FHOD3: variants seen among roughly 807,000 people sequenced by gnomAD.
FHOD3 encodes FH1/FH2 domain-containing protein 3.
In FHOD3, 90 loss-of-function variants were observed where a neutral mutation model predicts 173.0. The ratio of observed to expected loss-of-function variants is 0.52; its 90% CI spans 0.44 to 0.62. FHOD3 has a LOEUF of 0.62. Among genes scored for constraint, FHOD3 ranks in the 20% least tolerant of loss-of-function variants. The probability of loss-of-function intolerance (pLI) is 0.00; values close to 1 mark genes in which losing one functional copy is unlikely to be tolerated. For synonymous variants in FHOD3, 828 were observed against 823.0 expected, an observed-to-expected ratio of 1.01 and a Z score of -0.10; for missense variants, 1,945 against 2,034.7, an observed-to-expected ratio of 0.96 and a Z score of 0.85.
At chr18:36,525,965 G>C (rs1254125658) in intron 5 of FHOD3, among the ~76,000 whole-genome samples, 1 of 152,256 alleles carries the variant, frequency 6.6e-6, no homozygotes, top group Non-Finnish European at 1.5e-5. Flanking sequence ...AGATTGGGCT[G>C]AGTTTTAGGA....
Position 36,625,640 on chromosome 18 carries a change from C to T in FHOD3, c.1087C>T (p.Arg363Cys), listed in dbSNP as rs780578862. The change falls in exon 10 of 29, where the codon CGC becomes TGC. Residue 363 changes from arginine to cysteine, a missense_variant. Arg to Cys is a radical substitution (Grantham distance 180, BLOSUM62 -3). This residue lies in a region of FHOD3 where 1,099 missense variants were observed against 1,051.2 expected (regional missense o/e 1.05). Coordinates refer to ENST00000590592, the MANE Select transcript of FHOD3 (RefSeq NM_001281740.3). ...CCGGGGCCTGGACCGCAGAAGGAGC[C>T]GCAGGCACTCGGTGCAGAGCATCAA... Reference protein sequence around the residue: ...EHRGLDRRRSRRHSVQSIKST... With the variant: ...EHRGLDRRRSCRHSVQSIKST... 2.5e-6 allele frequency: 4 copies of T among 1,608,652 alleles called. No homozygotes were observed. Among genetic ancestry groups the T allele is most frequent in the East Asian group, 2.2e-5 (1 of 44,466 alleles).
intron 28 of FHOD3, among the ~76,000 whole-genome samples, chr18:36,771,814 C>G (rs75438391): frequency 6.6e-6 from 1 of 152,194 alleles, no homozygotes; most frequent in Non-Finnish European, 1.5e-5. Context: ...AGAGACGTCC[C>G]ATTTGTCAGG....
At chr18:36,368,543 T>C (rs2047013147) in intron 2 of FHOD3, among the ~76,000 whole-genome samples, 1 of 152,192 alleles carries the variant, frequency 6.6e-6, no homozygotes, top group African/African-American at 2.4e-5. Flanking sequence ...CTGTGTGACT[T>C]CAGCTCCATT....
At position 36,376,200 on chromosome 18, in the gene FHOD3, C is replaced by A. The variant is rs75152907; in HGVS notation, c.337+3456C>A. ...AGAATTGTGGGGTAAGGAATGGAAT[C>A]TAGGACTTAAAAAAATAAGGTTTGA... is the stretch of plus-strand genomic sequence containing the variant. On this transcript the variant is annotated intron_variant, in intron 3 of 28. Coordinates refer to ENST00000590592, the MANE Select transcript of FHOD3 (RefSeq NM_001281740.3). Among the ~76,000 whole-genome samples, 502 of 152,186 alleles carry A rather than the reference C, an allele frequency of 3.3e-3. 5 individuals are homozygous for A. The highest frequency in any genetic ancestry group is 0.012 in the African/African-American group (485 of 41,508).
chr18:36,597,358 AAATAAT>A (rs1168460046), intron 7 of FHOD3, among the ~76,000 whole-genome samples: 5 of 152,022 alleles, frequency 3.3e-5, no homozygotes, highest in Admixed American at 1.3e-4. Context: ...TGATTAGTAA[AAATAAT>A]AATAATAATA....
At chr18:36,589,200 G>A (rs377488236) in intron 6 of FHOD3, among the ~76,000 whole-genome samples, 4 of 152,160 alleles carry the variant, frequency 2.6e-5, no homozygotes, top group Admixed American at 6.5e-5. Flanking sequence ...TGCACCCCCC[G>A]TATGCAAGGG....
chr18:36,613,987 G>A (rs1449353256), intron 9 of FHOD3, among the ~76,000 whole-genome samples: 7 of 151,902 alleles, frequency 4.6e-5, no homozygotes, highest in African/African-American at 1.5e-4. Flanking sequence ...TTGTTTTTTC[G>A]TTTTGTTTTG....
chr18:36,537,149 T>C (rs1367485101), intron 5 of FHOD3, among the ~76,000 whole-genome samples: 7 of 152,288 alleles, frequency 4.6e-5, no homozygotes, highest in Non-Finnish European at 1.0e-4. Flanking sequence ...GTATGGCCTG[T>C]CTCCACTCCA....
chr18:36,426,191 AC>A (rs1568255857), intron 3 of FHOD3, among the ~76,000 whole-genome samples: 1 of 152,114 alleles, frequency 6.6e-6, no homozygotes, highest in Non-Finnish European at 1.5e-5. Flanking sequence ...GGCATGAGCC[AC>A]CGCGCCCGGC....
At chr18:36,724,304 T>TAATA (rs1181285190) in intron 19 of FHOD3, among the ~76,000 whole-genome samples, 5 of 152,214 alleles carry the variant, frequency 3.3e-5, no homozygotes, top group African/African-American at 4.8e-5. Flanking sequence ...TATTACCATG[T>TAATA]GTGACTTTCT....
chr18:36,642,463 CA>C (rs2035384883), intron 10 of FHOD3, among the ~76,000 whole-genome samples: 1 of 150,548 alleles, frequency 6.6e-6, no homozygotes, highest in Non-Finnish European at 1.5e-5. Flanking sequence ...ACTAAAAATA[CA>C]AAAAATTAGC....
intron 19 of FHOD3, among the ~76,000 whole-genome samples, chr18:36,720,962 A>T (rs952766841): frequency 6.6e-6 from 1 of 152,134 alleles, no homozygotes; most frequent in African/African-American, 2.4e-5. Context: ...CATTTTTACA[A>T]GATTAAAAGT....
chr18:36,498,908 A>G (rs1445610935), intron 3 of FHOD3, among the ~76,000 whole-genome samples: 1 of 152,224 alleles, frequency 6.6e-6, no homozygotes, highest in African/African-American at 2.4e-5. Flanking sequence ...AACCTTAATG[A>G]TCAGAACACA....
In FHOD3 at chr18:36,512,421, GT is replaced by G. The variant is rs2055707364; in HGVS notation, c.406-13del. On this transcript the variant is annotated splice_polypyrimidine_tract_variant and intron_variant, in intron 4 of 28. Transcript: ENST00000590592. ...CAGGGACAGTATTTGAAGTATTTTT[GT>G]TTTCTTTCCTGCCAGGATGACAAGG... The G allele has an allele frequency of 1.9e-6, 3 of 1,599,354 alleles. No individual in the cohort carries two copies. Among genetic ancestry groups the G allele is most frequent in the Non-Finnish European group, 2.6e-6 (3 of 1,167,644 alleles).
At chr18:36,331,021 G>C (rs2145207456) in intron 1 of FHOD3, among the ~76,000 whole-genome samples, 2 of 152,250 alleles carry the variant, frequency 1.3e-5, no homozygotes, top group Admixed American at 1.3e-4. Context: ...CTGTTCTGAT[G>C]ATAGCCAGAT....
intron 1 of FHOD3, among the ~76,000 whole-genome samples, chr18:36,298,549 G>A (rs932074102): frequency 2.6e-5 from 4 of 152,142 alleles, no homozygotes; most frequent in Non-Finnish European, 5.9e-5. Context: ...CGGGGGCGCC[G>A]CCGGGGACGC....
chr18:36,456,068 C>A (rs1185598411), intron 3 of FHOD3, among the ~76,000 whole-genome samples: 1 of 152,140 alleles, frequency 6.6e-6, no homozygotes, highest in Non-Finnish European at 1.5e-5. Context: ...TTGTACTTTT[C>A]CGATGTTTTC....
chr18:36,316,321 G>A (rs992759435), intron 1 of FHOD3, among the ~76,000 whole-genome samples: 3 of 151,404 alleles, frequency 2.0e-5, no homozygotes, highest in Non-Finnish European at 1.5e-5. Context: ...GCCCAGGATG[G>A]TACTTTGCTT....
At chr18:36,693,540 CTT>C (rs1418374922) in intron 17 of FHOD3, 117 bp downstream of exon 17, 32 of 948,752 alleles carry the variant, frequency 3.4e-5, no homozygotes, top group Non-Finnish European at 5.1e-5. Flanking sequence ...TATGGGTACA[CTT>C]TGTTGGGGGA....
Sources: allele counts gnomAD v4.1 joint callset (sites outside exome capture counted in the v4.1 genomes callset), GRCh38; gene constraint gnomAD v4.1.1; regional missense constraint gnomAD v4.1.1; transcripts MANE v1.5; gene names NCBI Gene and HGNC (gene_info 2026-07-23, HGNC 2026-07-21).